Variants in ABHD2 observed in about 807,000 individuals in gnomAD.
The protein encoded by ABHD2 is abhydrolase domain containing 2, acylglycerol lipase, also known as monoacylglycerol lipase ABHD2.
A neutral mutation model predicts 48.1 loss-of-function variants in ABHD2; 20 were observed. The ratio of observed to expected loss-of-function variants is 0.42; its 90% CI spans 0.29 to 0.60. The LOEUF (loss-of-function observed/expected upper bound fraction) is 0.60, where lower values mean the gene tolerates loss of function less well. Among genes scored for constraint, ABHD2 ranks in the 20% least tolerant of loss-of-function variants. ABHD2 has a pLI of 0.24. For synonymous variants in ABHD2, 209 were observed against 214.2 expected (o/e 0.98, Z 0.21); for missense variants, 405 against 550.9 (o/e 0.74, Z 2.65).
At chr15:89,096,053 T>C (rs2049608431) in intron 1 of ABHD2, among the ~76,000 whole-genome samples, 1 of 152,188 alleles carries the variant, frequency 6.6e-6, no homozygotes. Context: ...CACAGCACTG[T>C]GTAAATGAAG....
At chr15:89,090,935 C>A (rs1901572262) in intron 1 of ABHD2, among the ~76,000 whole-genome samples, 1 of 152,212 alleles carries the variant, frequency 6.6e-6, no homozygotes, top group African/African-American at 2.4e-5. Context: ...AGGGGGAGCA[C>A]CAGCAGCGCC....
chr15:89,115,558 T>C (rs2049945786), intron 2 of ABHD2, among the ~76,000 whole-genome samples: 1 of 152,198 alleles, frequency 6.6e-6, no homozygotes, highest in East Asian at 1.9e-4. Context: ...TGGTTTACTT[T>C]TAACCTAATT....
chr15:89,047,483 T>G, the ABHD2 span, among the ~76,000 whole-genome samples: 1 of 150,804 alleles, frequency 6.6e-6, no homozygotes, highest in East Asian at 1.9e-4. Context: ...ATCTGTCTAA[T>G]GTTGACAGTG....
At chr15:89,043,590 A>AAGGAGGAGGAG in the ABHD2 span, among the ~76,000 whole-genome samples, 3 of 140,782 alleles carry the variant, frequency 2.1e-5, no homozygotes, top group Admixed American at 7.1e-5. Flanking sequence ...GAAGAGGAAG[A>AAGGAGGAGGAG]AGGAGGAGGA....
intron 1 of ABHD2, among the ~76,000 whole-genome samples, chr15:89,093,323 G>C (rs1901675703): frequency 6.6e-6 from 1 of 151,884 alleles, no homozygotes; most frequent in Admixed American, 6.5e-5. Flanking sequence ...TGGGATTACA[G>C]GCACACGCCA....
intron 1 of ABHD2, among the ~76,000 whole-genome samples, chr15:89,089,195 G>GC (rs1901493455): frequency 6.6e-6 from 1 of 152,246 alleles, no homozygotes; most frequent in East Asian, 1.9e-4. Context: ...CTCGACCTTG[G>GC]CGATGTCCAA....
the ABHD2 span, among the ~76,000 whole-genome samples, chr15:89,056,946 G>A: frequency 8.2e-5 from 10 of 122,536 alleles, no homozygotes; most frequent in Admixed American, 3.1e-4. Context: ...GGAGTTTTGC[G>A]CTTGTTGCCC....
At chr15:89,096,676 G>C (rs184918540) in intron 1 of ABHD2, among the ~76,000 whole-genome samples, 1 of 152,112 alleles carries the variant, frequency 6.6e-6, no homozygotes, top group South Asian at 2.1e-4. Context: ...CTGTCTGTTC[G>C]GACCCTGAAA....
chr15:89,193,436 A>C (rs1331330841), intron 10 of ABHD2, 117 bp downstream of exon 10: 2 of 809,450 alleles, frequency 2.5e-6, no homozygotes, highest in African/African-American at 3.4e-5. Context: ...AAGACATCTC[A>C]TAGCAGTCAG....
At chr15:89,098,170 G>A (rs2049643925) in intron 1 of ABHD2, among the ~76,000 whole-genome samples, 1 of 152,140 alleles carries the variant, frequency 6.6e-6, no homozygotes, top group African/African-American at 2.4e-5. Context: ...GTGCGCCATG[G>A]CACCCAGGCA....
chr15:89,101,384 C>T (rs2049698015), intron 1 of ABHD2, among the ~76,000 whole-genome samples: 1 of 152,218 alleles, frequency 6.6e-6, no homozygotes, highest in African/African-American at 2.4e-5. Flanking sequence ...GCCCAGGCCA[C>T]AGTGAGCTTT....
chr15:89,183,382 A>ATATAGAT (rs57264552), intron 6 of ABHD2: 2 of 55,568 alleles, frequency 3.6e-5, no homozygotes, highest in African/African-American at 2.1e-4. Context: ...AAAAAAAAAA[A>ATATAGAT]AAATATATAT....
chr15:89,166,727 C>T lies in ABHD2; in HGVS notation c.539-9085C>T, dbSNP rs1007619593. Among the ~76,000 whole-genome samples the T allele has an allele frequency of 1.3e-5, 2 of 151,836 alleles. No homozygotes were observed. The highest frequency in any genetic ancestry group is 4.8e-5 in the African/African-American group (2 of 41,294). On this transcript the variant is annotated intron_variant, in intron 5 of 10. Coordinates refer to ENST00000352732, the MANE Select transcript of ABHD2 (RefSeq NM_152924.5). This position sits in a 1 kb window ranked among gnomAD's most constrained non-coding sequence, Gnocchi z 4.6. ...TCCCGGCTACTCTAGAAGCGCTGTG[C>T]CCAGGAGTTCAAGGCTACACTGAGC...
the ABHD2 span, among the ~76,000 whole-genome samples, chr15:89,069,122 C>CTTTTTT: frequency 4.8e-5 from 6 of 124,894 alleles, no homozygotes; most frequent in African/African-American, 1.3e-4. Flanking sequence ...CTTTTCTTTT[C>CTTTTTT]TTTTTTTTTT....
chr15:89,066,513 G>A, the ABHD2 span, among the ~76,000 whole-genome samples: 2 of 152,146 alleles, frequency 1.3e-5, no homozygotes, highest in South Asian at 2.1e-4. Flanking sequence ...TCCAAATAAG[G>A]TCACATTCAC....
Position 89,193,229 on chromosome 15 carries a change from T to C in ABHD2, c.997-6T>C, listed in dbSNP as rs753354226. 1.3e-5 allele frequency: 21 copies of C among 1,613,890 alleles called. No individual in the cohort carries two copies. The South Asian group carries it at 2.3e-4, about 18-fold the overall frequency. ...AGTTTAATTCTGCTTTATGTTCTTG[T>C]TGCAGATTTATGTTCCTCTCATGCT... On this transcript the variant is annotated splice_region_variant and splice_polypyrimidine_tract_variant and intron_variant, in intron 9 of 10. Coordinates refer to ENST00000352732, the MANE Select transcript of ABHD2 (RefSeq NM_152924.5).
In ABHD2 at chr15:89,191,065, T is replaced by C. The variant is rs1369041628; in HGVS notation, c.927-15T>C. The C allele has an allele frequency of 1.2e-6, 2 of 1,612,484 alleles. No homozygotes were observed. The highest frequency in any genetic ancestry group is 2.2e-5 in the East Asian group (1 of 44,898). On this transcript the variant is annotated splice_polypyrimidine_tract_variant and intron_variant, in intron 8 of 10. Transcript: ENST00000352732. ...TTTGTCCTTTTTCTTTTTTTCTTTT[T>C]CTGGTGTGTTGCAGGAAGTTTCACG... is the stretch of plus-strand genomic sequence containing the variant.
chr15:89,187,414 G>A (rs1268598936), intron 7 of ABHD2, among the ~76,000 whole-genome samples: 2 of 152,182 alleles, frequency 1.3e-5, no homozygotes, highest in Non-Finnish European at 2.9e-5. Flanking sequence ...ACAGAAATGT[G>A]TTCTTCTTTT....
At chr15:89,046,109 T>G in the ABHD2 span, among the ~76,000 whole-genome samples, 3 of 152,286 alleles carry the variant, frequency 2.0e-5, no homozygotes, top group Non-Finnish European at 4.4e-5. Flanking sequence ...AGCATGAAGA[T>G]TTGTTGAATT....
Sources: gnomAD v4.1 joint callset for allele counts (sites outside exome capture counted in the v4.1 genomes callset) on GRCh38, gnomAD v4.1.1 for gene constraint, Gnocchi (gnomAD v3.1) non-coding constraint, MANE v1.5 for transcripts, NCBI Gene and HGNC (gene_info 2026-07-23, HGNC 2026-07-21) for gene names.